MAF: variants seen among roughly 807,000 people sequenced by gnomAD.
The protein encoded by MAF is MAF bZIP transcription factor.
In MAF, 10 loss-of-function variants were observed where a neutral mutation model predicts 22.0. The ratio of observed to expected loss-of-function variants is 0.45; its 90% CI spans 0.28 to 0.77. The LOEUF (loss-of-function observed/expected upper bound fraction) is 0.77, where lower values mean the gene tolerates loss of function less well. MAF is among the 30% of genes least tolerant of loss of function. MAF has a pLI of 0.12. For missense variants in MAF, 544 were observed against 548.4 expected (o/e 0.99, Z 0.08); for synonymous variants, 337 against 255.8 (o/e 1.32, Z -3.03).
the MAF span, among the ~76,000 whole-genome samples, chr16:79,298,980 G>A: frequency 6.6e-6 from 1 of 152,276 alleles, no homozygotes; most frequent in Admixed American, 6.5e-5. Context: ...ACCAATGCTT[G>A]CTCCTGGTGG....
the MAF span, among the ~76,000 whole-genome samples, chr16:79,328,013 C>T: frequency 6.6e-6 from 1 of 152,188 alleles, no homozygotes. Context: ...CCTTGAGCCT[C>T]AATTTCCTTC....
At chr16:79,512,756 A>T in the MAF span, among the ~76,000 whole-genome samples, 1 of 152,194 alleles carries the variant, frequency 6.6e-6, no homozygotes, top group Non-Finnish European at 1.5e-5. Context: ...TGTGGCAGGA[A>T]AAAATGTGGG....
the MAF span, among the ~76,000 whole-genome samples, chr16:79,560,822 C>T: frequency 6.6e-6 from 1 of 152,192 alleles, no homozygotes; most frequent in African/African-American, 2.4e-5. Flanking sequence ...CCTCCCAACT[C>T]CCCTGTGAAG....
chr16:79,217,932 G>A, the MAF span, among the ~76,000 whole-genome samples: 3 of 126,390 alleles, frequency 2.4e-5, no homozygotes, highest in African/African-American at 9.1e-5. Flanking sequence ...GACTTGGCTT[G>A]CAATATCACT....
chr16:79,281,857 C>G, the MAF span, among the ~76,000 whole-genome samples: 2 of 152,270 alleles, frequency 1.3e-5, no homozygotes, highest in East Asian at 1.9e-4. Context: ...AGCACACACT[C>G]TCCCCTAAAC....
At chr16:79,519,000 C>G in the MAF span, among the ~76,000 whole-genome samples, 3 of 152,314 alleles carry the variant, frequency 2.0e-5, no homozygotes, top group East Asian at 3.9e-4. Context: ...TACACAAGAA[C>G]TATAAGCTCC....
the MAF span, among the ~76,000 whole-genome samples, chr16:79,287,597 T>A: frequency 6.6e-6 from 1 of 152,218 alleles, no homozygotes; most frequent in South Asian, 2.1e-4. Flanking sequence ...ATGTTATTTT[T>A]TGGTTTGCCT....
At chr16:79,438,810 G>A in the MAF span, among the ~76,000 whole-genome samples, 2 of 152,138 alleles carry the variant, frequency 1.3e-5, no homozygotes, top group South Asian at 4.1e-4. Context: ...AAGCAATAAT[G>A]ATCACAGTAA....
chr16:79,249,506 C>G, the MAF span, among the ~76,000 whole-genome samples: 3 of 151,732 alleles, frequency 2.0e-5, no homozygotes, highest in Non-Finnish European at 2.9e-5. Context: ...CTTTGGGGAA[C>G]AGGCCCTCAC....
chr16:79,487,942 C>T, the MAF span, among the ~76,000 whole-genome samples: 8,347 of 152,282 alleles, frequency 0.055, 285 homozygotes, highest in Non-Finnish European at 0.083. Flanking sequence ...CCTGTGCTCA[C>T]AATGCTCAGG....
chr16:79,389,551 C>T, the MAF span, among the ~76,000 whole-genome samples: 3 of 152,266 alleles, frequency 2.0e-5, no homozygotes, highest in South Asian at 2.1e-4. Flanking sequence ...CCTGAGCCAC[C>T]GCGTCCAGCT....
At chr16:79,585,175 G>C (rs1313767132), downstream of MAF, among the ~76,000 whole-genome samples, 1 of 152,126 alleles carries the variant, frequency 6.6e-6, no homozygotes, top group East Asian at 1.9e-4. Flanking sequence ...CAAATGAAGA[G>C]GGTTCATAAT....
the MAF span, among the ~76,000 whole-genome samples, chr16:79,251,076 T>C: frequency 6.7e-6 from 1 of 149,780 alleles, no homozygotes; most frequent in African/African-American, 2.5e-5. Flanking sequence ...TGATATTAGA[T>C]TCCCCCCGTT....
chr16:79,336,465 T>C, the MAF span, among the ~76,000 whole-genome samples: 9 of 152,196 alleles, frequency 5.9e-5, no homozygotes, highest in East Asian at 9.6e-4. Context: ...TCTTCAGGGA[T>C]GCTGGGAGGA....
the MAF span, among the ~76,000 whole-genome samples, chr16:79,554,792 G>A: frequency 1.5e-3 from 229 of 152,270 alleles, 3 homozygotes; most frequent in African/African-American, 5.4e-3. Context: ...TGGGCATCAC[G>A]TGTGACCCCT....
In MAF at chr16:79,598,961, G is replaced by A. The variant is rs765806184; in HGVS notation, c.942C>T (p.His314=). ...SCRFKRVQQR[H]VLESEKNQLL... ...GCTGGTTCTTCTCCGACTCCAGGAC[G>A]TGTCTCTGCTGCACCCTCTTGAAGC... Residue 314 remains histidine, a synonymous_variant, in exon 1 of 2, where the codon CAC becomes CAT. Transcript: ENST00000326043. 1.4e-5 allele frequency: 22 copies of A among 1,613,660 alleles called. No homozygotes were observed. Among genetic ancestry groups the A allele is most frequent in the South Asian group, 2.2e-5 (2 of 91,052 alleles).
chr16:79,599,044 T>C lies in MAF; in HGVS notation c.859A>G (p.Ile287Val). The change falls in exon 1 of 2, where the codon ATC becomes GTC. Residue 287 changes from isoleucine (I) to valine (V), a missense_variant. This residue lies in a region of MAF where 342 missense variants were observed against 315.5 expected (regional missense o/e 1.08). Transcript: ENST00000326043. ...GTCCGCCTCTTCTGCTTCAGCCGGA[T>C]CACCTCCTCCTTGCTGACCCCGCGC... ...QLRGVSKEEV[I>V]RLKQKRRTLK... 1 of 1,612,910 alleles carries C rather than the reference T, an allele frequency of 6.2e-7. No individual in the cohort carries two copies. The highest frequency in any genetic ancestry group is 8.5e-7 in the Non-Finnish European group (1 of 1,179,884).
chr16:79,266,435 C>G, the MAF span, among the ~76,000 whole-genome samples: 1 of 151,792 alleles, frequency 6.6e-6, no homozygotes, highest in South Asian at 2.1e-4. Context: ...GGGTAGGTCC[C>G]AAAAGGCAAT....
chr16:79,533,856 C>A, the MAF span, among the ~76,000 whole-genome samples: 1 of 152,166 alleles, frequency 6.6e-6, no homozygotes, highest in Admixed American at 6.5e-5. Flanking sequence ...TCTCCCTCCT[C>A]TGTTGCCATC....
Sources: gnomAD v4.1 joint callset for allele counts (sites outside exome capture counted in the v4.1 genomes callset) on GRCh38, gnomAD v4.1.1 for gene constraint, gnomAD v4.1.1 regional missense constraint, MANE v1.5 for transcripts, NCBI Gene and HGNC (gene_info 2026-07-23, HGNC 2026-07-21) for gene names.